The following ABCD2 variants were observed in gnomAD, a reference collection of about 807,000 sequenced individuals.
The protein encoded by ABCD2 is ATP-binding cassette sub-family D member 2.
ABCD2 carries 36 observed loss-of-function variants against 70.9 expected under a neutral mutation model. That is an observed-to-expected ratio of 0.51 (90% CI 0.39 to 0.67). The LOEUF (loss-of-function observed/expected upper bound fraction) is 0.67, where lower values mean the gene tolerates loss of function less well. ABCD2 is among the 30% of genes least tolerant of loss of function. The pLI is 0.00. For synonymous variants in ABCD2, 304 were observed against 306.9 expected, an observed-to-expected ratio of 0.99 and a Z score of 0.10; for missense variants, 729 against 890.2, an observed-to-expected ratio of 0.82 and a Z score of 2.30.
chr12:39,588,634 C>G (rs1282560104), intron 6 of ABCD2, among the ~76,000 whole-genome samples: 1 of 152,088 alleles, frequency 6.6e-6, no homozygotes, highest in Non-Finnish European at 1.5e-5. Context: ...GTTGTTCAAA[C>G]CGCCAAGTGT....
At chr12:39,589,392 T>G (rs1316792715) in intron 6 of ABCD2, among the ~76,000 whole-genome samples, 2 of 148,712 alleles carry the variant, frequency 1.3e-5, no homozygotes, top group African/African-American at 2.5e-5. Flanking sequence ...GGGTTTTTTT[T>G]TTTTTTTTTT....
At chr12:39,596,817 G>T (rs1941822326) in intron 6 of ABCD2, among the ~76,000 whole-genome samples, 2 of 152,234 alleles carry the variant, frequency 1.3e-5, no homozygotes, top group African/African-American at 2.4e-5. Context: ...GGGTGGAACT[G>T]GTTCCAGGAC....
In ABCD2 at chr12:39,581,929, G is replaced by A. The variant is rs74088748; in HGVS notation, c.1793-2310C>T. ...AGAGATGTATACTCTTCTTTAGTTC[G>A]TGTCCATTTGTTAACCCTTTTATGC... On this transcript the variant is annotated intron_variant, in intron 7 of 9. Coordinates refer to ENST00000308666, the MANE Select transcript of ABCD2 (RefSeq NM_005164.4). Among the ~76,000 whole-genome samples the A allele has an allele frequency of 2.5e-3, 379 of 152,190 alleles. 2 individuals are homozygous for A. Among genetic ancestry groups the A allele is most frequent in the African/African-American group, 8.6e-3 (357 of 41,536 alleles).
chr12:39,606,333 T>C (rs1941969003), intron 3 of ABCD2, among the ~76,000 whole-genome samples: 1 of 152,140 alleles, frequency 6.6e-6, no homozygotes, highest in Admixed American at 6.5e-5. Flanking sequence ...AGAGAAGGCA[T>C]GGTGGGTGCT....
intron 9 of ABCD2, among the ~76,000 whole-genome samples, chr12:39,558,748 T>C (rs897477477): frequency 2.6e-5 from 4 of 152,178 alleles, no homozygotes; most frequent in African/African-American, 9.7e-5. Flanking sequence ...TAAGCCTCTT[T>C]TCTTTATAAA....
intron 9 of ABCD2, among the ~76,000 whole-genome samples, chr12:39,566,120 G>T (rs1323674937): frequency 6.6e-6 from 1 of 152,118 alleles, no homozygotes; most frequent in African/African-American, 2.4e-5. Context: ...CCCGGCTTTG[G>T]TATCAGGATG....
the ABCD2 span, among the ~76,000 whole-genome samples, chr12:39,536,515 A>T: frequency 1.3e-5 from 2 of 152,276 alleles, no homozygotes; most frequent in African/African-American, 4.8e-5. Context: ...TAACACTTTT[A>T]TATACATTGA....
intron 1 of ABCD2, 55 bp from the exon 2 acceptor site, chr12:39,617,223 C>CT (rs66517223): frequency 0.02 from 17,708 of 900,044 alleles, 16 homozygotes; most frequent in African/African-American, 0.044. Flanking sequence ...ACATATTATT[C>CT]TTTTTTTTTT....
At position 39,600,112 on chromosome 12, in the gene ABCD2, G is replaced by A. The variant is rs149973194; in HGVS notation, c.1646+459C>T. Among the ~76,000 whole-genome samples, 197 of 152,104 alleles carry A rather than the reference G, an allele frequency of 1.3e-3. 1 individual carries two copies. Among genetic ancestry groups the A allele is most frequent in the African/African-American group, 4.4e-3 (182 of 41,502 alleles). ...AATTTACTTAAGAAAGTTACAAATC[G>A]CTAAATAATCATATAGCATAATTGT... is the stretch of plus-strand genomic sequence containing the variant. On this transcript the variant is annotated intron_variant, in intron 6 of 9. Transcript: ENST00000308666.
intron 7 of ABCD2, among the ~76,000 whole-genome samples, chr12:39,579,965 A>G (rs766586535): frequency 5.6e-4 from 85 of 152,284 alleles, no homozygotes; most frequent in Middle Eastern, 3.4e-3. Flanking sequence ...AAATTTTCAT[A>G]TGTCAATTAC....
At chr12:39,607,257 T>C (rs1012192543) in intron 3 of ABCD2, among the ~76,000 whole-genome samples, 20 of 152,302 alleles carry the variant, frequency 1.3e-4, no homozygotes, top group African/African-American at 4.3e-4. Context: ...ACACAGACGC[T>C]GTAGCGACCT....
chr12:39,564,337 G>A (rs1428762012), intron 9 of ABCD2, among the ~76,000 whole-genome samples: 1 of 152,154 alleles, frequency 6.6e-6, no homozygotes, highest in Non-Finnish European at 1.5e-5. Flanking sequence ...GTGTGAGATG[G>A]TATCTCACTG....
intron 9 of ABCD2, among the ~76,000 whole-genome samples, chr12:39,565,943 A>T (rs1052895333): frequency 6.6e-6 from 1 of 152,100 alleles, no homozygotes; most frequent in Admixed American, 6.6e-5. Context: ...ATTGATTTGC[A>T]TATGTTGAAC....
chr12:39,601,019 G>A (rs1421007490), intron 5 of ABCD2, among the ~76,000 whole-genome samples: 3 of 151,972 alleles, frequency 2.0e-5, no homozygotes, highest in African/African-American at 7.2e-5. Flanking sequence ...AGCTGCCTGG[G>A]AAATAAGACA....
chr12:39,598,028 A>G (rs551240363), intron 6 of ABCD2, among the ~76,000 whole-genome samples: 2 of 152,344 alleles, frequency 1.3e-5, no homozygotes, highest in Admixed American at 1.3e-4. Context: ...CTATAGCAGC[A>G]TTCTTCGTGA....
intron 5 of ABCD2, among the ~76,000 whole-genome samples, chr12:39,601,829 C>T (rs1591992927): frequency 6.6e-6 from 1 of 152,154 alleles, no homozygotes; most frequent in East Asian, 1.9e-4. Context: ...AATTTGTTAT[C>T]TGCCTGTGCT....
intron 6 of ABCD2, among the ~76,000 whole-genome samples, chr12:39,594,816 A>G (rs1263642197): frequency 1.3e-5 from 2 of 152,122 alleles, no homozygotes; most frequent in Admixed American, 1.3e-4. Context: ...TCTACTAAAA[A>G]TACAAAAATT....
In ABCD2 at chr12:39,561,455, CA is replaced by C. The variant is rs1309575949; in HGVS notation, c.2004-7325del. Among the ~76,000 whole-genome samples, 12 of 150,078 alleles carry C rather than the reference CA, an allele frequency of 8.0e-5. No individual in the cohort carries two copies. In the East Asian group the frequency reaches 2.3e-3, roughly 29 times the overall value. ...GCAAGACCCAACTGTGCGCTGCTTA[CA>C]GGAGACTCACTTCATCTGCAAGGAC... On this transcript the variant is annotated intron_variant, in intron 9 of 9. Transcript: ENST00000308666.
chr12:39,591,928 G>GT (rs1326399067), intron 6 of ABCD2, among the ~76,000 whole-genome samples: 1 of 151,952 alleles, frequency 6.6e-6, no homozygotes, highest in Non-Finnish European at 1.5e-5. Flanking sequence ...TGAGAGGGGA[G>GT]TTTTTTCATT....
Sources: gnomAD v4.1 joint callset for allele counts (sites outside exome capture counted in the v4.1 genomes callset) on GRCh38, gnomAD v4.1.1 for gene constraint, MANE v1.5 for transcripts, NCBI Gene and HGNC (gene_info 2026-07-23, HGNC 2026-07-21) for gene names.